PCNT: variants seen among roughly 807,000 people sequenced by gnomAD.
PCNT encodes pericentrin.
Under a neutral mutation model 380.4 loss-of-function variants are expected in PCNT, and 319 were observed. The observed-to-expected ratio is 0.84, with a 90% confidence interval of 0.77 to 0.92. The LOEUF (loss-of-function observed/expected upper bound fraction) is 0.92, where lower values mean the gene tolerates loss of function less well. PCNT is among the 40% of genes least tolerant of loss of function. The pLI is 0.00. For missense variants in PCNT, 4,400 were observed against 4,255.3 expected (o/e 1.03, Z -0.95); for synonymous variants, 1,845 against 1,735.2 (o/e 1.06, Z -1.57).
rs182694054 is a variant in PCNT at position 46,367,082 on chromosome 21, C to T, written c.3108C>T (p.Thr1036=). Residue 1036 remains threonine (T), a synonymous_variant, in exon 15 of 47, where the codon ACC becomes ACT. Transcript: ENST00000359568. ...AGTCTGTGCGGGACCACCTGCGAACCGAAGTGAGCACAGAGCTCGCCGGAA... is the reference window on the plus strand; with the variant it reads ...AGTCTGTGCGGGACCACCTGCGAACTGAAGTGAGCACAGAGCTCGCCGGAA... ...ELQSVRDHLR[T]EVSTELAGTV... 347 of 1,613,838 alleles carry T rather than the reference C, an allele frequency of 2.2e-4. 3 individuals carry two copies. In the East Asian group the frequency reaches 7.2e-3, roughly 33 times the overall value.
chr21:46,408,456 TAACC>T (rs1173147554), intron 27 of PCNT, among the ~76,000 whole-genome samples: 1 of 152,242 alleles, frequency 6.6e-6, no homozygotes, highest in African/African-American at 2.4e-5. Flanking sequence ...AGTATATATT[TAACC>T]TTAAAAGAAA....
chr21:46,390,316 A>T (rs2085987976), intron 19 of PCNT, among the ~76,000 whole-genome samples: 1 of 152,260 alleles, frequency 6.6e-6, no homozygotes, highest in South Asian at 2.1e-4. Flanking sequence ...TATCTCAAAA[A>T]TGAAAATAAA....
Position 46,347,437 on chromosome 21 carries a change from G to A in PCNT, c.977-20G>A. The stretch of plus-strand genomic sequence containing the variant: ...AGGTTGAGATGGAGTGGCCTGAGCT[G>A]CTTTTTGTTTTTCTTGCAGCTGAGC... On this transcript the variant is annotated intron_variant, in intron 5 of 46. Coordinates refer to ENST00000359568, the MANE Select transcript of PCNT (RefSeq NM_006031.6). 1 of 1,613,934 alleles carries A rather than the reference G, an allele frequency of 6.2e-7. No individual in the cohort carries two copies. Among genetic ancestry groups the A allele is most frequent in the South Asian group, 1.1e-5 (1 of 91,074 alleles).
Position 46,391,302 on chromosome 21 carries a change from C to A in PCNT, c.4142C>A (p.Ala1381Glu). The change falls in exon 21 of 47, where the codon GCG (alanine) becomes GAG (glutamate). Residue 1381 changes from alanine to glutamate, a missense_variant. Transcript: ENST00000359568. The part of the protein sequence containing the change: ...QLQQAAQEQA[A>E]LREECTRLWS... ...CAGCAGGCGGCCCAGGAGCAGGCGG[C>A]GCTGAGGGAGGAGTGCACCCGTCTG... 1 of 1,572,242 alleles carries A rather than the reference C, an allele frequency of 6.4e-7. No individual in the cohort carries two copies. The highest frequency in any genetic ancestry group is 2.3e-5 in the East Asian group (1 of 42,986).
intron 31 of PCNT, among the ~76,000 whole-genome samples, chr21:46,421,472 C>T (rs2087246912): frequency 1.3e-5 from 2 of 152,040 alleles, no homozygotes; most frequent in South Asian, 4.1e-4. Flanking sequence ...GAATTTTCCT[C>T]CTTGAGACCC....
chr21:46,346,997 A>C lies in PCNT; in HGVS notation c.975A>C (p.Ala325=). The change falls in exon 5 of 47, where the codon GCA becomes GCC. Residue 325 remains alanine, a splice_region_variant and synonymous_variant. Coordinates refer to ENST00000359568, the MANE Select transcript of PCNT (RefSeq NM_006031.6). ...EEVVLRCGQE[A]AELKEKLQSE... ...TGGTGCTCAGGTGTGGACAGGAAGC[A>C]GGTACTGCATGGCTAGGCGGGCACG... 1 of 1,594,768 alleles carries C rather than the reference A, an allele frequency of 6.3e-7. No homozygotes were observed. Among genetic ancestry groups the C allele is most frequent in the Non-Finnish European group, 8.5e-7 (1 of 1,173,288 alleles).
intron 15 of PCNT, among the ~76,000 whole-genome samples, chr21:46,374,746 G>A (rs1003490863): frequency 1.3e-5 from 2 of 151,944 alleles, no homozygotes; most frequent in Non-Finnish European, 2.9e-5. Context: ...CTACTCGGGA[G>A]GCTGAGGCAA....
At chr21:46,413,043 C>T (rs568750167) in intron 29 of PCNT, 51 bp downstream of exon 29, 34 of 1,544,106 alleles carry the variant, frequency 2.2e-5, no homozygotes, top group Middle Eastern at 1.7e-4. Context: ...GCTGGACACG[C>T]GGCAGCAAGG....
Position 46,383,779 on chromosome 21 carries a change from G to A in PCNT, c.3312+1939G>A, listed in dbSNP as rs2085695332. ...ATTCAGCAGCGGAAGCGCATTCACG[G>A]TGTTGTGCGTTCAGTGGCAGAAGCG... On this transcript the variant is annotated intron_variant, in intron 16 of 46. Coordinates refer to ENST00000359568, the MANE Select transcript of PCNT (RefSeq NM_006031.6). Among the ~76,000 whole-genome samples the A allele has an allele frequency of 2.3e-5, 3 of 131,262 alleles. No individual in the cohort carries two copies. In the Admixed American group the frequency reaches 2.3e-4, roughly 10 times the overall value. 86.1% of individuals were successfully genotyped at this position (131,262 alleles called of 152,430 possible).
intron 3 of PCNT, among the ~76,000 whole-genome samples, chr21:46,344,521 T>C (rs1361322951): frequency 6.6e-6 from 1 of 152,258 alleles, no homozygotes; most frequent in Non-Finnish European, 1.5e-5. Flanking sequence ...CTTTTGCAAC[T>C]GTATCAAGCC....
At chr21:46,370,763 C>T (rs139260958) in intron 15 of PCNT, among the ~76,000 whole-genome samples, 3 of 152,232 alleles carry the variant, frequency 2.0e-5, no homozygotes, top group Non-Finnish European at 4.4e-5. Context: ...CGGCCGGGCG[C>T]GGTGGCTCAC....
At chr21:46,422,650 CAAGT>C (rs892891160) in intron 32 of PCNT, among the ~76,000 whole-genome samples, 26 of 152,216 alleles carry the variant, frequency 1.7e-4, no homozygotes, top group African/African-American at 6.0e-4. Flanking sequence ...CTTGGCTAAA[CAAGT>C]GAGTGATAGA....
In PCNT at chr21:46,363,639, C is replaced by G. The variant is rs371872582; in HGVS notation, c.2314C>G (p.Leu772Val). 1.2e-6 allele frequency: 2 copies of G among 1,614,090 alleles called. No individual in the cohort carries two copies. The highest frequency in any genetic ancestry group is 1.3e-5 in the African/African-American group (1 of 74,940). The part of the protein sequence containing the change: ...EAEEKLTLML[L>V]ELREKAESEK... ...TGAGGAGAAGTTAACATTGATGCTA[C>G]TTGAACTGAGAGAAAAGGCTGAATC... is the stretch of plus-strand genomic sequence containing the variant. The change falls in exon 14 of 47, where the codon CTT becomes GTT. Residue 772 changes from leucine to valine, a missense_variant. Leu to Val is a conservative substitution (Grantham distance 32). Coordinates refer to ENST00000359568, the MANE Select transcript of PCNT (RefSeq NM_006031.6).
In PCNT at chr21:46,426,069, C is replaced by CT. The variant is rs760416456; in HGVS notation, c.7320+125dup. The CT allele has an allele frequency of 0.066, 19,979 of 302,956 alleles. 1,385 individuals carry two copies. The highest frequency in any genetic ancestry group is 0.082 in the Admixed American group (1,464 of 17,754). The allele number at this position is 302,956 out of a possible 1,614,324, so 18.8% of individuals were successfully genotyped here. A position where few individuals can be genotyped will look rare whatever the true frequency, so the allele number is the denominator to read the frequency against. The stretch of plus-strand genomic sequence containing the variant: ...GCCACGTGGACACTAGGATTTCTTT[C>CT]TTTTTTTTTTTTTTTTTTTTTTTTT... On this transcript the variant is annotated intron_variant, in intron 33 of 46. Coordinates refer to ENST00000359568, the MANE Select transcript of PCNT (RefSeq NM_006031.6).
At position 46,398,269 on chromosome 21, in the gene PCNT, A is replaced by C; in HGVS notation, c.4584+14A>C. On this transcript the variant is annotated intron_variant, in intron 24 of 46. Coordinates refer to ENST00000359568, the MANE Select transcript of PCNT (RefSeq NM_006031.6). ...CTGGATGGAGAGGTGAGGAGGCGTC[A>C]ACGAGATGGGCACTCCCTGCGCTGG... The C allele has an allele frequency of 6.2e-7, 1 of 1,600,998 alleles. No homozygotes were observed. The highest frequency in any genetic ancestry group is 2.2e-5 in the East Asian group (1 of 44,542).
intron 27 of PCNT, among the ~76,000 whole-genome samples, chr21:46,403,170 G>A (rs546384671): frequency 1.3e-5 from 2 of 150,138 alleles, no homozygotes; most frequent in East Asian, 2.0e-4. Context: ...TGGTGCCCAC[G>A]CGGCGCGTGC....
Position 46,398,141 on chromosome 21 carries a change from G to T in PCNT, c.4563+11G>T. ...CCTCGCGACAGCCAGGTGAGTCAGTGCAGCGTGCAGTGCTGCTGGTTGCTG... is the reference window on the plus strand; with the variant it reads ...CCTCGCGACAGCCAGGTGAGTCAGTTCAGCGTGCAGTGCTGCTGGTTGCTG... On this transcript the variant is annotated intron_variant, in intron 23 of 46. Coordinates refer to ENST00000359568, the MANE Select transcript of PCNT (RefSeq NM_006031.6). 6.2e-7 allele frequency: 1 copy of T among 1,606,368 alleles called. No individual in the cohort carries two copies. Among genetic ancestry groups the T allele is most frequent in the East Asian group, 2.2e-5 (1 of 44,742 alleles).
chr21:46,437,065 GGCC>G lies in PCNT; in HGVS notation c.9084_9086del (p.Arg3028_Pro3029delinsSer). 1 of 1,613,648 alleles carries G rather than the reference GGCC, an allele frequency of 6.2e-7. No individual in the cohort carries two copies. Among genetic ancestry groups the G allele is most frequent in the Admixed American group, 1.7e-5 (1 of 60,032 alleles). The stretch of plus-strand genomic sequence containing the variant: ...GAGGAGCTGAAGTCTGACTTGAGCA[GGCC>G]CACCTCCTCCCAGGTAAGGGGTGAG... On this transcript the variant is annotated inframe_deletion, in exon 40 of 47. Coordinates refer to ENST00000359568, the MANE Select transcript of PCNT (RefSeq NM_006031.6).
In PCNT at chr21:46,384,781, A is replaced by G. The variant is rs142008638; in HGVS notation, c.3313-1051A>G. On this transcript the variant is annotated intron_variant, in intron 16 of 46. Transcript: ENST00000359568. ...GCATTCACGGTGTTGTGCGTAGTTC[A>G]GTGGCGGAAGTGCATTCATGGTGTT... Among the ~76,000 whole-genome samples the G allele has an allele frequency of 3.7e-3, 528 of 141,836 alleles. 3 individuals carry two copies. The highest frequency in any genetic ancestry group is 3.5e-3 in the Non-Finnish European group (218 of 62,236). 93.0% of individuals were successfully genotyped at this position (141,836 alleles called of 152,430 possible). A position where few individuals can be genotyped will look rare whatever the true frequency, so the allele number is the denominator to read the frequency against.
Sources: gnomAD v4.1 joint callset for allele counts (sites outside exome capture counted in the v4.1 genomes callset) on GRCh38, gnomAD v4.1.1 for gene constraint, MANE v1.5 for transcripts, NCBI Gene and HGNC (gene_info 2026-07-23, HGNC 2026-07-21) for gene names.